PTPRD: variants seen among roughly 807,000 people sequenced by gnomAD.
The protein encoded by PTPRD is protein tyrosine phosphatase receptor type D.
In PTPRD, 34 loss-of-function variants were observed where a neutral mutation model predicts 214.5. That is an observed-to-expected ratio of 0.16 (90% confidence interval 0.12 to 0.21). PTPRD has a LOEUF of 0.21. Among genes scored for constraint, PTPRD ranks in the 10% least tolerant of loss-of-function variants. The pLI is 1.00. For synonymous variants in PTPRD, 1,128 were observed against 845.7 expected (o/e 1.33, Z -5.79); for missense variants, 2,545 against 2,398.7 (o/e 1.06, Z -1.27).
intron 39 of PTPRD, among the ~76,000 whole-genome samples, chr9:8,347,203 CTT>C (rs1189073380): frequency 6.6e-6 from 1 of 152,076 alleles, no homozygotes; most frequent in Admixed American, 6.6e-5. Flanking sequence ...GGAAATACTA[CTT>C]TTTTTCTCCC....
intron 3 of PTPRD, among the ~76,000 whole-genome samples, chr9:10,225,687 T>C (rs747632038): frequency 1.9e-4 from 29 of 152,068 alleles, no homozygotes; most frequent in Non-Finnish European, 3.7e-4. Context: ...TCTACTCTTA[T>C]TCATTAACTG....
intron 9 of PTPRD, among the ~76,000 whole-genome samples, chr9:9,232,855 C>T (rs1051832415): frequency 6.6e-6 from 1 of 152,080 alleles, no homozygotes; most frequent in African/African-American, 2.4e-5. Flanking sequence ...GTCACAGAAA[C>T]CAAAATTTCT....
intron 11 of PTPRD, among the ~76,000 whole-genome samples, chr9:8,778,335 T>C (rs1372050597): frequency 6.6e-6 from 1 of 152,180 alleles, no homozygotes; most frequent in African/African-American, 2.4e-5. Flanking sequence ...CAAAGTTCCT[T>C]TCTTCTTTGA....
intron 10 of PTPRD, among the ~76,000 whole-genome samples, chr9:9,039,630 A>ATTTACTATC (rs1161498327): frequency 6.6e-6 from 1 of 152,190 alleles, no homozygotes; most frequent in African/African-American, 2.4e-5. Flanking sequence ...AGCCAAAAAT[A>ATTTACTATC]TTTACTATCT....
intron 10 of PTPRD, among the ~76,000 whole-genome samples, chr9:9,065,240 G>A (rs1286596352): frequency 3.3e-5 from 5 of 152,170 alleles, no homozygotes; most frequent in Non-Finnish European, 7.3e-5. Context: ...GTGAAAAGGG[G>A]TGCCTTGGAC....
chr9:10,503,973 G>A (rs113378766), intron 2 of PTPRD, among the ~76,000 whole-genome samples: 4,665 of 151,074 alleles, frequency 0.031, 196 homozygotes, highest in African/African-American at 0.1. Flanking sequence ...AAAATTAGCC[G>A]GGCGTGGTGG....
chr9:10,525,762 T>C (rs1007317437), intron 2 of PTPRD, among the ~76,000 whole-genome samples: 48 of 112,348 alleles, frequency 4.3e-4, no homozygotes, highest in African/African-American at 1.9e-3. Flanking sequence ...GTGTGTATTT[T>C]CCCTGAAAAA....
chr9:9,765,424 G>T (rs2252243), intron 6 of PTPRD, among the ~76,000 whole-genome samples: 29,220 of 152,020 alleles, frequency 0.19, 4,502 homozygotes, highest in African/African-American at 0.4. Flanking sequence ...CTCAAACCAA[G>T]GATGCCCAAC....
chr9:9,564,389 C>T (rs984816305), intron 8 of PTPRD, among the ~76,000 whole-genome samples: 1 of 152,038 alleles, frequency 6.6e-6, no homozygotes, highest in Non-Finnish European at 1.5e-5. Flanking sequence ...CTCAGAATCT[C>T]CCTGGCATAA....
At chr9:10,589,057 A>C (rs914510439) in intron 2 of PTPRD, among the ~76,000 whole-genome samples, 1 of 152,078 alleles carries the variant, frequency 6.6e-6, no homozygotes, top group African/African-American at 2.4e-5. Flanking sequence ...GCTGGACCCA[A>C]ATAATTGCAT....
chr9:9,955,960 C>G (rs931453720), intron 4 of PTPRD, among the ~76,000 whole-genome samples: 7 of 152,082 alleles, frequency 4.6e-5, no homozygotes, highest in African/African-American at 1.7e-4. Flanking sequence ...TAAATTATAA[C>G]AGGAGTGGTG....
At chr9:9,155,510 T>C (rs2099880443) in intron 10 of PTPRD, among the ~76,000 whole-genome samples, 1 of 152,166 alleles carries the variant, frequency 6.6e-6, no homozygotes, top group Non-Finnish European at 1.5e-5. Context: ...GATTGATTGA[T>C]GTGCCTGAGA....
chr9:8,927,335 C>G (rs1021789669), intron 11 of PTPRD, among the ~76,000 whole-genome samples: 60 of 152,054 alleles, frequency 3.9e-4, no homozygotes, highest in African/African-American at 1.4e-3. Flanking sequence ...AACCCATCAT[C>G]TACATTAGGT....
chr9:9,794,783 C>G (rs2098991625), intron 5 of PTPRD, among the ~76,000 whole-genome samples: 4 of 152,196 alleles, frequency 2.6e-5, no homozygotes, highest in Admixed American at 2.6e-4. Context: ...AACTGAGTAT[C>G]TCTCTAAAGG....
intron 2 of PTPRD, among the ~76,000 whole-genome samples, chr9:10,593,083 C>G (rs1174416477): frequency 6.6e-6 from 1 of 151,964 alleles, no homozygotes; most frequent in East Asian, 1.9e-4. Context: ...ACGAACCCAC[C>G]AGAAGGAACC....
chr9:9,625,703 C>T (rs1003213285), intron 7 of PTPRD, among the ~76,000 whole-genome samples: 1 of 151,960 alleles, frequency 6.6e-6, no homozygotes, highest in South Asian at 2.1e-4. Context: ...TGGTATGGGT[C>T]GCAGCAAGGG....
At position 10,567,490 on chromosome 9, in the gene PTPRD, T is replaced by C. The variant is rs917318153; in HGVS notation, c.-600+44908A>G. On this transcript the variant is annotated intron_variant, in intron 2 of 45. Coordinates refer to ENST00000381196, the MANE Select transcript of PTPRD (RefSeq NM_002839.4). ...CAGTTTCCAAAGAACACCACCATAA[T>C]GTGACCTTATTTTGAAAGACAATCT... Among the ~76,000 whole-genome samples, 11 of 152,230 alleles carry C rather than the reference T, an allele frequency of 7.2e-5. No homozygotes were observed. In the East Asian group the frequency reaches 1.9e-3, roughly 27 times the overall value.
At chr9:9,957,312 G>T (rs932473996) in intron 4 of PTPRD, among the ~76,000 whole-genome samples, 1 of 152,000 alleles carries the variant, frequency 6.6e-6, no homozygotes, top group South Asian at 2.1e-4. Flanking sequence ...AAACATTAAT[G>T]TACAACCTAA....
At chr9:9,557,654 T>C (rs1363420819) in intron 8 of PTPRD, among the ~76,000 whole-genome samples, 1 of 152,212 alleles carries the variant, frequency 6.6e-6, no homozygotes, top group East Asian at 1.9e-4. Context: ...CATAAGAACC[T>C]TGGTCTCCAC....
Sources: allele counts gnomAD v4.1 joint callset (sites outside exome capture counted in the v4.1 genomes callset), GRCh38; gene constraint gnomAD v4.1.1; transcripts MANE v1.5; gene names NCBI Gene and HGNC (gene_info 2026-07-23, HGNC 2026-07-21).